Variants in SPINDOC observed in about 807,000 individuals in gnomAD.
SPINDOC encodes spindlin interactor and repressor of chromatin binding, also known as spindlin interactor and repressor of chromatin-binding protein.
Under a neutral mutation model 30.7 loss-of-function variants are expected in SPINDOC, and 13 were observed. That is an observed-to-expected ratio of 0.42 (90% CI 0.28 to 0.67). SPINDOC has a LOEUF of 0.67. SPINDOC is among the 30% of genes least tolerant of loss of function. The probability of loss-of-function intolerance (pLI) is 0.22; values close to 1 mark genes in which losing one functional copy is unlikely to be tolerated. For synonymous variants in SPINDOC, 228 were observed against 211.4 expected, an observed-to-expected ratio of 1.08 and a Z score of -0.68; for missense variants, 438 against 518.0, an observed-to-expected ratio of 0.85 and a Z score of 1.50.
Position 63,818,453 on chromosome 11 carries a change from T to C in SPINDOC, c.608-74T>C. The C allele has an allele frequency of 3.7e-6, 6 of 1,603,466 alleles. No homozygotes were observed. The highest frequency in any genetic ancestry group is 5.1e-6 in the Non-Finnish European group (6 of 1,176,674). Reference sequence around the variant, plus strand: ...ACAGGCCCTGTGTTCTGGGCAGGTATCTTCAGGAGCCCTGGGGTGGCAGGG... The same window carrying C: ...ACAGGCCCTGTGTTCTGGGCAGGTACCTTCAGGAGCCCTGGGGTGGCAGGG... On this transcript the variant is annotated intron_variant, in intron 3 of 5. Coordinates refer to ENST00000294244, the MANE Select transcript of SPINDOC (RefSeq NM_138471.3). This position sits in a 1 kb window ranked among gnomAD's most constrained non-coding sequence, Gnocchi z 5.3.
At chr11:63,813,941 T>A in intron 1 of SPINDOC, 128 bp downstream of exon 1, 1 of 1,236,758 alleles carries the variant, frequency 8.1e-7, no homozygotes, top group Non-Finnish European at 1.1e-6. Context: ...CAGGTTTCCC[T>A]CTCGGATCTG....
chr11:63,822,604 G>A lies in SPINDOC; in HGVS notation c.934+3602G>A, dbSNP rs1373760439. ...CTCGAGGCAGGCCTCACCCCTTCAC[G>A]TAGATCACAGTTTTAACTGTCTCAA... On this transcript the variant is annotated intron_variant, in intron 5 of 5. Transcript: ENST00000294244. 18 of 1,288,836 alleles carry A rather than the reference G, an allele frequency of 1.4e-5. No individual in the cohort carries two copies. The African/African-American group carries it at 1.5e-4, about 11-fold the overall frequency. The allele number at this position is 1,288,836 out of a possible 1,614,324, so 79.8% of individuals were successfully genotyped here.
chr11:63,827,184 C>A lies in SPINDOC; in HGVS notation c.*45C>A. 6.3e-7 allele frequency: 1 copy of A among 1,595,530 alleles called. No homozygotes were observed. Among genetic ancestry groups the A allele is most frequent in the Non-Finnish European group, 8.5e-7 (1 of 1,170,190 alleles). ...GGGAGGGAGGGATGAGGCAGCGTCC[C>A]CCAGTGGCTTATAACTCAGAGCTGC... On this transcript the variant is annotated 3_prime_UTR_variant, in exon 6 of 6. Transcript: ENST00000294244.
rs181828504 is a variant in SPINDOC at position 63,819,366 on chromosome 11, A to T, written c.934+364A>T. On this transcript the variant is annotated intron_variant, in intron 5 of 5. Coordinates refer to ENST00000294244, the MANE Select transcript of SPINDOC (RefSeq NM_138471.3). ...GCTGGGATTACAGGCGTGCGCCACC[A>T]TACCCGGCTAATTTTTGTATTTTTA... 1.4e-3 allele frequency among the ~76,000 whole-genome samples: 209 copies of T among 152,096 alleles called. 1 individual carries two copies. In the East Asian group the frequency reaches 0.037, roughly 27 times the overall value.
At chr11:63,819,546 G>C (rs1017961686) in intron 5 of SPINDOC, among the ~76,000 whole-genome samples, 2 of 151,054 alleles carry the variant, frequency 1.3e-5, no homozygotes, top group African/African-American at 4.9e-5. Flanking sequence ...GCCCAGGCTG[G>C]AGTGCAGTGG....
intron 5 of SPINDOC, among the ~76,000 whole-genome samples, chr11:63,820,135 C>T (rs2015469600): frequency 1.3e-5 from 2 of 152,288 alleles, no homozygotes; most frequent in Middle Eastern, 3.4e-3. Flanking sequence ...TGGTGGCTCA[C>T]GCCTGTAATC....
chr11:63,825,881 C>T (rs2015643469), intron 5 of SPINDOC, among the ~76,000 whole-genome samples: 1 of 152,028 alleles, frequency 6.6e-6, no homozygotes, highest in East Asian at 1.9e-4. Context: ...TAAATCCTTC[C>T]CAATATAGAC....
At chr11:63,819,191 G>A (rs540581754) in intron 5 of SPINDOC, among the ~76,000 whole-genome samples, 189 bp downstream of exon 5, 1 of 152,308 alleles carries the variant, frequency 6.6e-6, no homozygotes, top group South Asian at 2.1e-4. Context: ...AGGCTGGCCT[G>A]AAAGCTGAGC....
chr11:63,820,511 A>G (rs1476846695), intron 5 of SPINDOC, among the ~76,000 whole-genome samples: 1 of 152,092 alleles, frequency 6.6e-6, no homozygotes, highest in Non-Finnish European at 1.5e-5. Flanking sequence ...ACCATTTCTC[A>G]AAGAAATGGT....
Position 63,827,011 on chromosome 11 carries a change from C to T in SPINDOC, c.1018C>T (p.Gln340Ter). 6.2e-7 allele frequency: 1 copy of T among 1,614,180 alleles called. No individual in the cohort carries two copies. Among genetic ancestry groups the T allele is most frequent in the Non-Finnish European group, 8.5e-7 (1 of 1,180,026 alleles). The change falls in exon 6 of 6, where the codon CAA becomes TAA. Residue 340 changes from glutamine (Q) to a stop codon, truncating the protein, a stop_gained. Transcript: ENST00000294244. LOFTEE classifies it high-confidence loss of function. ...MEEPPAVSLL[Q>*]DWSRHPQGTK... ...GGAGCCCCCAGCGGTCAGCCTCCTG[C>T]AAGACTGGTCCAGGCACCCCCAGGG...
chr11:63,823,110 T>C, intron 5 of SPINDOC: 1 of 1,282,106 alleles, frequency 7.8e-7, no homozygotes, highest in Middle Eastern at 2.1e-4. Context: ...GAGACAGCCT[T>C]TGTCCCCCAA....
At chr11:63,826,833 G>A (rs1234308269) in intron 5 of SPINDOC, 95 bp from the exon 6 acceptor site, 1 of 688,336 alleles carries the variant, frequency 1.5e-6, no homozygotes. Flanking sequence ...GAAAGCCCTG[G>A]AAATGTGGGT....
rs908756030 is a variant in SPINDOC at position 63,822,795 on chromosome 11, C to T, written c.934+3793C>T. Reference sequence around the variant, plus strand: ...TTCTGATTTCATTCTCGAAAGGGAGCCCTCATTTCAAGTCCTGGGGTACCC... The same window carrying T: ...TTCTGATTTCATTCTCGAAAGGGAGTCCTCATTTCAAGTCCTGGGGTACCC... On this transcript the variant is annotated intron_variant, in intron 5 of 5. Coordinates refer to ENST00000294244, the MANE Select transcript of SPINDOC (RefSeq NM_138471.3). 5 of 1,288,908 alleles carry T rather than the reference C, an allele frequency of 3.9e-6. No homozygotes were observed. The Admixed American group carries it at 9.2e-5, about 24-fold the overall frequency. The allele number at this position is 1,288,908 out of a possible 1,614,324, so 79.8% of individuals were successfully genotyped here.
intron 5 of SPINDOC, chr11:63,823,178 C>T (rs2015573886): frequency 7.8e-7 from 1 of 1,288,994 alleles, no homozygotes; most frequent in Non-Finnish European, 1.0e-6. Context: ...CCAGGGGCCC[C>T]CGTGGCGGTT....
At chr11:63,816,458 A>C (rs1394603130) in intron 1 of SPINDOC, among the ~76,000 whole-genome samples, 2 of 152,052 alleles carry the variant, frequency 1.3e-5, no homozygotes, top group African/African-American at 4.8e-5. Context: ...ATTGCAACTG[A>C]GAGGTCATTT....
chr11:63,827,381 CACCT>C lies in SPINDOC; in HGVS notation c.*246_*249del. 1.6e-6 allele frequency: 1 copy of C among 624,952 alleles called. No individual in the cohort carries two copies. The highest frequency in any genetic ancestry group is 3.0e-5 in the Admixed American group (1 of 33,464). 38.7% of individuals were successfully genotyped at this position (624,952 alleles called of 1,614,324 possible). A position where few individuals can be genotyped will look rare whatever the true frequency, so the allele number is the denominator to read the frequency against. ...AGTAGGGCACTGGGCCTGTGGAGAA[CACCT>C]ACCCCAGTCCTTCGCTGACCCCCAC... is the stretch of plus-strand genomic sequence containing the variant. On this transcript the variant is annotated 3_prime_UTR_variant, in exon 6 of 6. Transcript: ENST00000294244.
At chr11:63,813,848 G>GT in intron 1 of SPINDOC, 35 bp downstream of exon 1, 14 of 1,483,786 alleles carry the variant, frequency 9.4e-6, no homozygotes, top group Non-Finnish European at 1.3e-5. Context: ...CCGCGTCACG[G>GT]TGCGGGGCCG....
Position 63,818,333 on chromosome 11 carries a change from G to A in SPINDOC, c.575G>A (p.Arg192Gln), listed in dbSNP as rs773396520. 2.5e-6 allele frequency: 4 copies of A among 1,613,974 alleles called. No homozygotes were observed. The highest frequency in any genetic ancestry group is 2.7e-5 in the African/African-American group (2 of 74,984). ...EDNPSLPKRS[R>Q]PRGLRPLELP... ...AACCCATCCCTCCCTAAAAGGAGCC[G>A]GCCCAGGGGACTCCGCCCCCTCGAG... is the stretch of plus-strand genomic sequence containing the variant. The change falls in exon 3 of 6, where the codon CGG becomes CAG. Residue 192 changes from arginine to glutamine, a missense_variant. Around this residue, in one of 3 missense-constraint regions of SPINDOC, gnomAD observed 300 missense variants for 332.8 expected, o/e 0.90. Coordinates refer to ENST00000294244, the MANE Select transcript of SPINDOC (RefSeq NM_138471.3). The surrounding 1 kb of genome is among the most constrained non-coding windows in gnomAD (Gnocchi z 5.3).
chr11:63,818,870 G>A lies in SPINDOC; in HGVS notation c.802G>A (p.Gly268Ser), dbSNP rs755297783. Residue 268 changes from glycine to serine, a missense_variant, in exon 5 of 6, where the codon GGC becomes AGC. Gly to Ser is a moderately conservative substitution (Grantham distance 56, BLOSUM62 0). Around this residue, in one of 3 missense-constraint regions of SPINDOC, gnomAD observed 300 missense variants for 332.8 expected, o/e 0.90. Transcript: ENST00000294244. The surrounding 1 kb of genome is among the most constrained non-coding windows in gnomAD (Gnocchi z 5.3). The part of the protein sequence containing the change: ...APAEVRHFTD[G>S]SFPAGFVLQL... ...AGCCGAGGTCCGACACTTCACTGAC[G>A]GCAGCTTCCCCGCCGGCTTCGTCTT... is the stretch of plus-strand genomic sequence containing the variant. 18 of 1,614,074 alleles carry A rather than the reference G, an allele frequency of 1.1e-5. No individual in the cohort carries two copies. The highest frequency in any genetic ancestry group is 2.2e-5 in the South Asian group (2 of 91,082).
Sources: gnomAD v4.1 joint callset for allele counts (sites outside exome capture counted in the v4.1 genomes callset) on GRCh38, gnomAD v4.1.1 for gene constraint, gnomAD v4.1.1 regional missense constraint, Gnocchi (gnomAD v3.1) non-coding constraint, MANE v1.5 for transcripts, NCBI Gene and HGNC (gene_info 2026-07-23, HGNC 2026-07-21) for gene names.